The following PPP5C variants were observed in gnomAD, a reference collection of about 807,000 sequenced individuals.
PPP5C encodes serine/threonine-protein phosphatase 5.
A neutral mutation model predicts 66.7 loss-of-function variants in PPP5C; 21 were observed. That is an observed-to-expected ratio of 0.31 (90% CI 0.22 to 0.45). PPP5C has a LOEUF of 0.45. Ranked by LOEUF, PPP5C falls within the 20% of genes least tolerant of loss-of-function variation. PPP5C has a pLI of 1.00. For missense variants in PPP5C, 464 were observed against 675.9 expected, an observed-to-expected ratio of 0.69 and a Z score of 3.48; for synonymous variants, 246 against 257.4, an observed-to-expected ratio of 0.96 and a Z score of 0.43.
intron 2 of PPP5C, among the ~76,000 whole-genome samples, chr19:46,369,567 G>A (rs1465496615): frequency 2.0e-5 from 3 of 150,274 alleles, no homozygotes; most frequent in African/African-American, 7.4e-5. Context: ...GGGAGGCAGA[G>A]CTTGCAGTGA....
At position 46,375,876 on chromosome 19, in the gene PPP5C, G is replaced by A. The variant is rs547659308; in HGVS notation, c.511+125G>A. 28 of 1,425,882 alleles carry A rather than the reference G, an allele frequency of 2.0e-5. No individual in the cohort carries two copies. The East Asian group carries it at 2.0e-4, about 10-fold the overall frequency. 88.3% of individuals were successfully genotyped at this position (1,425,882 alleles called of 1,614,324 possible). A position where few individuals can be genotyped will look rare whatever the true frequency, so the allele number is the denominator to read the frequency against. On this transcript the variant is annotated intron_variant, in intron 3 of 12. Transcript: ENST00000012443. ...TTCTGTCCCCAGGCTGGTGTCTGTC[G>A]CTCCTCTGCCTGTGTTCCAGGGCGC...
At chr19:46,368,908 A>AAACAGG (rs1247129070) in intron 2 of PPP5C, among the ~76,000 whole-genome samples, 2 of 152,350 alleles carry the variant, frequency 1.3e-5, no homozygotes, top group East Asian at 3.9e-4. Flanking sequence ...GTTTACGGGT[A>AAACAGG]AAGTAGTATT....
At position 46,388,731 on chromosome 19, in the gene PPP5C, G is replaced by A; in HGVS notation, c.1355G>A (p.Cys452Tyr). Residue 452 changes from cysteine (C) to tyrosine (Y), a missense_variant and splice_region_variant, in exon 11 of 13, where the codon TGC becomes TAC. Around this residue, in one of 2 missense-constraint regions of PPP5C, gnomAD observed 387 missense variants for 626.0 expected, o/e 0.62. Transcript: ENST00000012443. The surrounding 1 kb of genome is among the most constrained non-coding windows in gnomAD (Gnocchi z 4.9). ...ACCGTCTTCTCTGCCCCCAACTACT[G>A]GTATGTCTTTGCCTTTCCAGCCCAG... is the stretch of plus-strand genomic sequence containing the variant. ...CVTVFSAPNY[C>Y]DQMGNKASYI... 6.2e-7 allele frequency: 1 copy of A among 1,613,656 alleles called. No homozygotes were observed.
intron 1 of PPP5C, among the ~76,000 whole-genome samples, 163 bp downstream of exon 1, chr19:46,347,380 G>A (rs1972101152): frequency 6.6e-6 from 1 of 152,168 alleles, no homozygotes; most frequent in Non-Finnish European, 1.5e-5. Flanking sequence ...GAGCGACATA[G>A]GGGGCTTCGG....
At position 46,382,739 on chromosome 19, in the gene PPP5C, A is replaced by G; in HGVS notation, c.634-672A>G. ...CAAAGACGTCCTCTTGTGTGACCAC[A>G]GTTGAATTGTCCTACCTTAGAAATT... On this transcript the variant is annotated intron_variant, in intron 4 of 12. Coordinates refer to ENST00000012443, the MANE Select transcript of PPP5C (RefSeq NM_006247.4). 5.3e-6 allele frequency: 5 copies of G among 942,410 alleles called. No homozygotes were observed. In the South Asian group the frequency reaches 2.4e-4, roughly 46 times the overall value. The allele number at this position is 942,410 out of a possible 1,614,324, so 58.4% of individuals were successfully genotyped here.
At chr19:46,374,154 G>A (rs1022568609) in intron 2 of PPP5C, among the ~76,000 whole-genome samples, 1 of 152,178 alleles carries the variant, frequency 6.6e-6, no homozygotes, top group African/African-American at 2.4e-5. Flanking sequence ...CCCTAGGCCT[G>A]CCCAGACAGG....
rs750136798 is a variant in PPP5C, at chr19:46,384,943, G to A, written c.904+34G>A. 2.6e-6 allele frequency: 4 copies of A among 1,523,782 alleles called. No homozygotes were observed. In the East Asian group the frequency reaches 9.0e-5, roughly 34 times the overall value. The allele number at this position is 1,523,782 out of a possible 1,614,324, so 94.4% of individuals were successfully genotyped here. The stretch of plus-strand genomic sequence containing the variant: ...GGAAGTGACAAGGTTTGGGTTCATT[G>A]TGGGGTCCTGAGTGGGGCACTCACT... On this transcript the variant is annotated intron_variant, in intron 7 of 12. Coordinates refer to ENST00000012443, the MANE Select transcript of PPP5C (RefSeq NM_006247.4).
chr19:46,355,221 G>A (rs142013171), intron 2 of PPP5C, among the ~76,000 whole-genome samples: 84 of 152,344 alleles, frequency 5.5e-4, no homozygotes, highest in African/African-American at 1.9e-3. Flanking sequence ...TCCTGCGCAT[G>A]GGGATGGTGC....
At chr19:46,377,467 G>A (rs568036613) in intron 4 of PPP5C, among the ~76,000 whole-genome samples, 1 of 152,330 alleles carries the variant, frequency 6.6e-6, no homozygotes, top group East Asian at 1.9e-4. Flanking sequence ...GTTGTTAAAG[G>A]TGAGACAGGA....
At position 46,390,100 on chromosome 19, in the gene PPP5C, C is replaced by CTACG; in HGVS notation, c.1406_1409dup (p.Pro471ThrfsTer33). On this transcript the variant is annotated frameshift_variant, in exon 12 of 13. Coordinates refer to ENST00000012443, the MANE Select transcript of PPP5C (RefSeq NM_006247.4). LOFTEE classifies it high-confidence loss of function. The stretch of plus-strand genomic sequence containing the variant: ...CTACATCCACCTCCAGGGCTCTGAC[C>CTACG]TACGGCCTCAGTTCCACCAGTTCAC... 1 of 1,614,224 alleles carries CTACG rather than the reference C, an allele frequency of 6.2e-7. No homozygotes were observed. The highest frequency in any genetic ancestry group is 8.5e-7 in the Non-Finnish European group (1 of 1,180,038).
Position 46,376,420 on chromosome 19 carries a change from A to G in PPP5C, c.512-33A>G. ...CTTCTCCCTCATAGTGGCTGTGGTC[A>G]CTGACTCTCGTGTCCCGTTGTTCAC... On this transcript the variant is annotated intron_variant, in intron 3 of 12. Coordinates refer to ENST00000012443, the MANE Select transcript of PPP5C (RefSeq NM_006247.4). This position sits in a 1 kb window ranked among gnomAD's most constrained non-coding sequence, Gnocchi z 5.1. The G allele has an allele frequency of 6.2e-7, 1 of 1,608,896 alleles. No homozygotes were observed. The highest frequency in any genetic ancestry group is 1.1e-5 in the South Asian group (1 of 90,646).
At chr19:46,389,134 G>T (rs1364001499) in intron 11 of PPP5C, among the ~76,000 whole-genome samples, 5 of 152,044 alleles carry the variant, frequency 3.3e-5, no homozygotes, top group Non-Finnish European at 7.4e-5. Flanking sequence ...GACCAGCCTG[G>T]CCAACATGGT....
chr19:46,387,815 T>TGTGA, intron 9 of PPP5C: 1 of 1,020,372 alleles, frequency 9.8e-7, no homozygotes, highest in Non-Finnish European at 1.3e-6. Context: ...ACGTGCACAC[T>TGTGA]GTGAGTGCTG....
At chr19:46,355,690 G>T (rs953477221) in intron 2 of PPP5C, among the ~76,000 whole-genome samples, 2 of 152,144 alleles carry the variant, frequency 1.3e-5, no homozygotes, top group Admixed American at 6.5e-5. Context: ...CTAGAAAATG[G>T]TGACAAGAGG....
At chr19:46,369,606 T>C (rs374124061) in intron 2 of PPP5C, among the ~76,000 whole-genome samples, 4 of 133,384 alleles carry the variant, frequency 3.0e-5, no homozygotes, top group African/African-American at 1.2e-4. Flanking sequence ...CACCCCAGCC[T>C]GGGTGACAGG....
chr19:46,350,312 A>G (rs1471301535), intron 1 of PPP5C, among the ~76,000 whole-genome samples: 2 of 152,192 alleles, frequency 1.3e-5, no homozygotes, highest in African/African-American at 4.8e-5. Flanking sequence ...GGAGTCCAGG[A>G]TGAGGCTGTC....
At position 46,376,656 on chromosome 19, in the gene PPP5C, C is replaced by A; in HGVS notation, c.633+82C>A. On this transcript the variant is annotated intron_variant, in intron 4 of 12. Transcript: ENST00000012443. The surrounding 1 kb of genome is among the most constrained non-coding windows in gnomAD (Gnocchi z 5.1). ...TGCCAGCCGCGGGCACTGAGCAAAA[C>A]GACAGGAGAAGGGCGGCCATGACAG... 2 of 1,555,640 alleles carry A rather than the reference C, an allele frequency of 1.3e-6. No homozygotes were observed. Among genetic ancestry groups the A allele is most frequent in the Non-Finnish European group, 1.7e-6 (2 of 1,147,122 alleles).
chr19:46,379,336 G>A (rs190632256), intron 4 of PPP5C, among the ~76,000 whole-genome samples: 2 of 152,300 alleles, frequency 1.3e-5, no homozygotes, highest in East Asian at 3.9e-4. Flanking sequence ...ACAGGCATGA[G>A]CCACCATGCC....
chr19:46,359,613 TC>T lies in PPP5C; in HGVS notation c.363+5629del, dbSNP rs201073838. 4.1e-3 allele frequency among the ~76,000 whole-genome samples: 630 copies of T among 152,052 alleles called. 20 individuals are homozygous for T. The East Asian group carries it at 0.083, about 20-fold the overall frequency. ...CTGAAGCATCATTTTTCCTTTCCAG[TC>T]CCCCAGTTTTACCAAAGACACTAAT... On this transcript the variant is annotated intron_variant, in intron 2 of 12. Transcript: ENST00000012443.
Sources: gnomAD v4.1 joint callset for allele counts (sites outside exome capture counted in the v4.1 genomes callset) on GRCh38, gnomAD v4.1.1 for gene constraint, gnomAD v4.1.1 regional missense constraint, Gnocchi (gnomAD v3.1) non-coding constraint, MANE v1.5 for transcripts, NCBI Gene and HGNC (gene_info 2026-07-23, HGNC 2026-07-21) for gene names.